Variants in MYO10 observed in about 807,000 individuals in gnomAD.
The protein encoded by MYO10 is myosin X, also known as unconventional myosin-X.
Under a neutral mutation model 257.3 loss-of-function variants are expected in MYO10, and 133 were observed. The observed-to-expected ratio is 0.52, with a 90% CI of 0.45 to 0.60. MYO10 has a LOEUF of 0.60. Ranked by LOEUF, MYO10 falls within the 20% of genes least tolerant of loss-of-function variation. MYO10 has a pLI of 0.00. For synonymous variants in MYO10, 1,104 were observed against 1,028.6 expected (o/e 1.07, Z -1.40); for missense variants, 2,399 against 2,635.7 (o/e 0.91, Z 1.97).
At chr5:16,679,227 C>T (rs996191313) in intron 33 of MYO10, among the ~76,000 whole-genome samples, 1 of 152,148 alleles carries the variant, frequency 6.6e-6, no homozygotes, top group African/African-American at 2.4e-5. Flanking sequence ...TGTACAGTGA[C>T]AGTGGAACTA....
intron 1 of MYO10, among the ~76,000 whole-genome samples, chr5:16,913,842 G>C (rs1016839949): frequency 1.1e-4 from 16 of 152,190 alleles, no homozygotes; most frequent in African/African-American, 3.9e-4. Flanking sequence ...TGGCAAGAGA[G>C]GGAGGAGGTT....
At chr5:16,795,657 T>C (rs1741917205) in intron 3 of MYO10, among the ~76,000 whole-genome samples, 1 of 152,100 alleles carries the variant, frequency 6.6e-6, no homozygotes, top group Non-Finnish European at 1.5e-5. Flanking sequence ...TGAATGTCCT[T>C]ATTATTATTT....
intron 9 of MYO10, among the ~76,000 whole-genome samples, chr5:16,772,092 A>T (rs531986582): frequency 1.0e-3 from 157 of 152,146 alleles, no homozygotes; most frequent in Admixed American, 1.8e-3. Context: ...ATTATTCTAC[A>T]ATTATACAAG....
chr5:16,917,809 G>C (rs548406341), intron 1 of MYO10, among the ~76,000 whole-genome samples: 2 of 152,104 alleles, frequency 1.3e-5, no homozygotes, highest in Non-Finnish European at 2.9e-5. Context: ...CAGGAGGTCC[G>C]GGGTATAGTG....
intron 26 of MYO10, among the ~76,000 whole-genome samples, chr5:16,695,781 G>GTA (rs10633002): frequency 0.34 from 51,305 of 151,908 alleles, 8,866 homozygotes; most frequent in African/African-American, 0.39. Flanking sequence ...TTTAAAGTAA[G>GTA]TATAATCCTA....
intron 1 of MYO10, among the ~76,000 whole-genome samples, chr5:16,888,414 G>A (rs918371418): frequency 6.6e-6 from 1 of 151,738 alleles, no homozygotes; most frequent in Admixed American, 6.6e-5. Flanking sequence ...TGACAAACAT[G>A]GAGAAACCCC....
At chr5:16,811,699 G>A (rs771521346) in intron 3 of MYO10, among the ~76,000 whole-genome samples, 5 of 152,118 alleles carry the variant, frequency 3.3e-5, no homozygotes, top group Non-Finnish European at 7.4e-5. Context: ...ACAGGGGCAC[G>A]CCACCACGGC....
chr5:16,796,208 GAACA>G (rs1302068643), intron 3 of MYO10, among the ~76,000 whole-genome samples: 1 of 74,042 alleles, frequency 1.4e-5, no homozygotes, highest in Non-Finnish European at 2.9e-5. Flanking sequence ...AAAAAAGAAA[GAACA>G]GAGAGAGAGC....
intron 2 of MYO10, among the ~76,000 whole-genome samples, chr5:16,824,669 C>G (rs1230766573): frequency 6.6e-6 from 1 of 152,120 alleles, no homozygotes; most frequent in Non-Finnish European, 1.5e-5. Context: ...GAGATTGAGA[C>G]CAACTTGGCC....
chr5:16,768,818 G>A (rs1020881544), intron 10 of MYO10, among the ~76,000 whole-genome samples: 1 of 151,788 alleles, frequency 6.6e-6, no homozygotes, highest in East Asian at 1.9e-4. Context: ...TGGGACTACA[G>A]GGGCACACCA....
At chr5:16,698,781 T>G (rs1465868883) in intron 26 of MYO10, among the ~76,000 whole-genome samples, 5 of 150,162 alleles carry the variant, frequency 3.3e-5, no homozygotes, top group Admixed American at 6.6e-5. Flanking sequence ...CCGCCACCGC[T>G]CCCGGCTAAT....
chr5:16,680,242 G>C, intron 32 of MYO10, 138 bp from the exon 33 acceptor site: 1 of 1,059,080 alleles, frequency 9.4e-7, no homozygotes, highest in African/African-American at 1.6e-5. Context: ...CATGTGTCCT[G>C]TCCTGCCCTG....
chr5:16,823,564 A>G (rs1255899920), intron 2 of MYO10, among the ~76,000 whole-genome samples: 1 of 137,952 alleles, frequency 7.2e-6, no homozygotes, highest in Admixed American at 8.1e-5. Context: ...CTCCGCCTCC[A>G]GGGTTCATGC....
chr5:16,866,202 A>G (rs1744244425), intron 2 of MYO10, among the ~76,000 whole-genome samples: 1 of 152,216 alleles, frequency 6.6e-6, no homozygotes, highest in Admixed American at 6.5e-5. Flanking sequence ...TGAAAACCCC[A>G]AAAGGAATAC....
intron 9 of MYO10, among the ~76,000 whole-genome samples, chr5:16,778,228 G>C (rs1464295740): frequency 2.0e-5 from 3 of 152,066 alleles, no homozygotes; most frequent in Non-Finnish European, 4.4e-5. Flanking sequence ...GGCCCGATTG[G>C]GTGGGGCTGT....
In MYO10 at chr5:16,818,018, A is replaced by G; in HGVS notation, c.270T>C (p.Asn90=). ...MYNLFQRYKR[N]QIYTYIGSIL... ...TACAAGTGGAACTTACATATATTTG[A>G]TTTCTCTTATACCGCTGGAATAAGT... The change falls in exon 3 of 41, where the codon AAT becomes AAC. Residue 90 remains asparagine (N), a synonymous_variant. Coordinates refer to ENST00000513610, the MANE Select transcript of MYO10 (RefSeq NM_012334.3). 6.4e-7 allele frequency: 1 copy of G among 1,555,420 alleles called. No individual in the cohort carries two copies. Among genetic ancestry groups the G allele is most frequent in the Non-Finnish European group, 8.8e-7 (1 of 1,142,758 alleles).
intron 21 of MYO10, among the ~76,000 whole-genome samples, chr5:16,709,267 A>G (rs1738485427): frequency 6.6e-6 from 1 of 152,212 alleles, no homozygotes; most frequent in African/African-American, 2.4e-5. Context: ...AGTGGAGAGT[A>G]AGATTCCAGG....
chr5:16,723,942 G>T (rs1258218042), intron 19 of MYO10, among the ~76,000 whole-genome samples: 4 of 152,170 alleles, frequency 2.6e-5, no homozygotes, highest in African/African-American at 9.7e-5. Context: ...TGGTTGCCAG[G>T]GGTCGGGGGA....
intron 2 of MYO10, among the ~76,000 whole-genome samples, chr5:16,830,022 G>A (rs189681236): frequency 3.9e-4 from 60 of 152,178 alleles, no homozygotes; most frequent in African/African-American, 1.3e-3. Context: ...GGCGGACCAC[G>A]TGAGGTGAGG....
Sources: gnomAD v4.1 joint callset for allele counts (sites outside exome capture counted in the v4.1 genomes callset) on GRCh38, gnomAD v4.1.1 for gene constraint, MANE v1.5 for transcripts, NCBI Gene and HGNC (gene_info 2026-07-23, HGNC 2026-07-21) for gene names.